ZFP91: variants seen among roughly 807,000 people sequenced by gnomAD.
ZFP91 encodes the protein E3 ubiquitin-protein ligase ZFP91.
A neutral mutation model predicts 63.5 loss-of-function variants in ZFP91; 7 were observed. The observed-to-expected ratio is 0.11, with a 90% CI of 0.06 to 0.21. The LOEUF is 0.21. Among genes scored for constraint, ZFP91 ranks in the 10% least tolerant of loss-of-function variants. ZFP91 has a pLI of 1.00. For missense variants in ZFP91, 628 were observed against 736.6 expected, an observed-to-expected ratio of 0.85 and a Z score of 1.71; for synonymous variants, 330 against 272.1, an observed-to-expected ratio of 1.21 and a Z score of -2.10.
rs1855042255 is a variant in ZFP91, at chr11:58,579,349, A to G, written c.68A>G (p.Lys23Arg). The change falls in exon 1 of 11, where the codon AAG (lysine) becomes AGG (arginine). Residue 23 changes from lysine to arginine, a missense_variant. Lys to Arg is a conservative substitution (Grantham distance 26). Coordinates refer to ENST00000316059, the MANE Select transcript of ZFP91 (RefSeq NM_053023.5). ...GACCAGGAAGGGGGAGAGGCGGCCA[A>G]GGCGGCTCCGGAGGAGCCCCAACAA... ...QQDQEGGEAA[K>R]AAPEEPQQRP... is the part of the protein sequence containing the mutation. 8 of 1,494,608 alleles carry G rather than the reference A, an allele frequency of 5.4e-6. No individual in the cohort carries two copies. The Admixed American group carries it at 1.6e-4, about 30-fold the overall frequency. The allele number at this position is 1,494,608 out of a possible 1,614,324, so 92.6% of individuals were successfully genotyped here.
At chr11:58,616,861 C>T (rs774423116) in intron 10 of ZFP91, 46 bp downstream of exon 10, 10 of 1,564,166 alleles carry the variant, frequency 6.4e-6, no homozygotes, top group African/African-American at 5.4e-5. Context: ...AGGATATATG[C>T]CCTACTTGAA....
At chr11:58,591,190 T>G (rs1478222164) in intron 2 of ZFP91, among the ~76,000 whole-genome samples, 1 of 152,208 alleles carries the variant, frequency 6.6e-6, no homozygotes, top group Non-Finnish European at 1.5e-5. Context: ...GAAATTAGAT[T>G]TGCCAATTTT....
chr11:58,609,280 T>C (rs1203041784), intron 2 of ZFP91, among the ~76,000 whole-genome samples: 1 of 152,222 alleles, frequency 6.6e-6, no homozygotes, highest in East Asian at 1.9e-4. Flanking sequence ...TGAAACAGAA[T>C]AGCACCAGAG....
In ZFP91 at chr11:58,617,763, A is replaced by G. The variant is rs1266891302; in HGVS notation, c.*57A>G. 2 of 1,443,694 alleles carry G rather than the reference A, an allele frequency of 1.4e-6. No homozygotes were observed. The highest frequency in any genetic ancestry group is 5.0e-5 in the East Asian group (2 of 40,368). The allele number at this position is 1,443,694 out of a possible 1,614,324, so 89.4% of individuals were successfully genotyped here. On this transcript the variant is annotated 3_prime_UTR_variant, in exon 11 of 11. Coordinates refer to ENST00000316059, the MANE Select transcript of ZFP91 (RefSeq NM_053023.5). This position sits in a 1 kb window ranked among gnomAD's most constrained non-coding sequence, Gnocchi z 4.2. Reference sequence around the variant, plus strand: ...CAGACTTTGTATTTAAAAGTTAAAAAGGACAAAAAAAAAATCTAAAGCATT... The same window carrying G: ...CAGACTTTGTATTTAAAAGTTAAAAGGGACAAAAAAAAAATCTAAAGCATT...
chr11:58,604,673 C>T (rs1442874671), intron 2 of ZFP91, among the ~76,000 whole-genome samples: 1 of 152,226 alleles, frequency 6.6e-6, no homozygotes, highest in African/African-American at 2.4e-5. Flanking sequence ...GAATGCGGCT[C>T]AGAACGGCTT....
chr11:58,600,372 A>T (rs1298768389), intron 2 of ZFP91, among the ~76,000 whole-genome samples: 1 of 152,020 alleles, frequency 6.6e-6, no homozygotes, highest in East Asian at 1.9e-4. Flanking sequence ...TTCATTGCTA[A>T]TATACTTAAA....
chr11:58,602,988 A>G (rs1443183885), intron 2 of ZFP91, among the ~76,000 whole-genome samples: 1 of 152,226 alleles, frequency 6.6e-6, no homozygotes, highest in African/African-American at 2.4e-5. Flanking sequence ...TCAAAAAAAA[A>G]GAAAAGAAAA....
At position 58,579,436 on chromosome 11, in the gene ZFP91, G is replaced by C; in HGVS notation, c.155G>C (p.Gly52Ala). Residue 52 changes from glycine to alanine, a missense_variant, in exon 1 of 11, where the codon GGA (glycine) becomes GCA (alanine). Gly to Ala is a moderately conservative substitution (Grantham distance 60). Transcript: ENST00000316059. The part of the protein sequence containing the change: ...AGTTSSRVLR[G>A]GRDRGRAAAA... ...ACCACTAGCAGCCGCGTGCTGAGGG[G>C]AGGTCGGGACCGAGGCCGGGCCGCT... 2.1e-6 allele frequency: 3 copies of C among 1,447,150 alleles called. No individual in the cohort carries two copies. Among genetic ancestry groups the C allele is most frequent in the Non-Finnish European group, 2.7e-6 (3 of 1,108,810 alleles). 89.6% of individuals were successfully genotyped at this position (1,447,150 alleles called of 1,614,324 possible).
chr11:58,584,971 C>A, intron 2 of ZFP91, 87 bp downstream of exon 2: 1 of 1,124,840 alleles, frequency 8.9e-7, no homozygotes. Context: ...AAATTGGTTC[C>A]CATTTAAAAG....
At chr11:58,595,403 C>T (rs1325216751) in intron 2 of ZFP91, among the ~76,000 whole-genome samples, 3 of 152,042 alleles carry the variant, frequency 2.0e-5, no homozygotes, top group African/African-American at 7.2e-5. Context: ...TTAGAATGGC[C>T]CTTCTAACTT....
At position 58,619,677 on chromosome 11, in the gene ZFP91, A is replaced by G. The variant is rs1855814403; in HGVS notation, c.*1971A>G. 6.6e-6 allele frequency: 1 copy of G among 152,596 alleles called. No individual in the cohort carries two copies. The allele number at this position is 152,596 out of a possible 1,614,324, so 9.5% of individuals were successfully genotyped here. A position where few individuals can be genotyped will look rare whatever the true frequency, so the allele number is the denominator to read the frequency against. The stretch of plus-strand genomic sequence containing the variant: ...TACAATCACCAGTCTCAAATGCGCT[A>G]TTGTTTCTTTTCAGAGTGTTGCAGA... On this transcript the variant is annotated 3_prime_UTR_variant, in exon 11 of 11. Transcript: ENST00000316059.
chr11:58,617,760 A>T lies in ZFP91; in HGVS notation c.*54A>T. On this transcript the variant is annotated 3_prime_UTR_variant, in exon 11 of 11. Transcript: ENST00000316059. The surrounding 1 kb of genome is among the most constrained non-coding windows in gnomAD (Gnocchi z 4.2). ...GCTCAGACTTTGTATTTAAAAGTTA[A>T]AAAGGACAAAAAAAAAATCTAAAGC... 11 of 1,442,996 alleles carry T rather than the reference A, an allele frequency of 7.6e-6. No homozygotes were observed. Among genetic ancestry groups the T allele is most frequent in the Non-Finnish European group, 9.1e-6 (10 of 1,102,472 alleles). The allele number at this position is 1,442,996 out of a possible 1,614,324, so 89.4% of individuals were successfully genotyped here.
intron 2 of ZFP91, among the ~76,000 whole-genome samples, chr11:58,593,426 A>G (rs1164273622): frequency 1.3e-5 from 2 of 152,180 alleles, no homozygotes; most frequent in African/African-American, 2.4e-5. Context: ...CTACGCTTGT[A>G]TATGTCTTTC....
chr11:58,612,578 A>T lies in ZFP91; in HGVS notation c.909-184A>T, dbSNP rs1466002178. 10 of 626,242 alleles carry T rather than the reference A, an allele frequency of 1.6e-5. No individual in the cohort carries two copies. In the African/African-American group the frequency reaches 1.8e-4, roughly 12 times the overall value. 38.8% of individuals were successfully genotyped at this position (626,242 alleles called of 1,614,324 possible). On this transcript the variant is annotated intron_variant, in intron 7 of 10. Transcript: ENST00000316059. ...ATTTGTGTTACTTTTTAATTCTGTCAAATATTTGCTAATTCTTGGTTACTT... is the reference window on the plus strand; with the variant it reads ...ATTTGTGTTACTTTTTAATTCTGTCTAATATTTGCTAATTCTTGGTTACTT...
intron 2 of ZFP91, among the ~76,000 whole-genome samples, chr11:58,589,041 C>T (rs759632960): frequency 9.2e-5 from 14 of 152,038 alleles, no homozygotes; most frequent in Non-Finnish European, 1.9e-4. Context: ...GTGTATAAGC[C>T]CAGTCTTAAC....
At chr11:58,610,854 C>T (rs1487318349) in intron 4 of ZFP91, 96 bp from the exon 5 acceptor site, 2 of 1,016,798 alleles carry the variant, frequency 2.0e-6, no homozygotes, top group East Asian at 5.2e-5. Context: ...ATGACTTTAT[C>T]AGTGTTTGGC....
At position 58,618,491 on chromosome 11, in the gene ZFP91, G is replaced by A. The variant is rs1417331733; in HGVS notation, c.*785G>A. Reference sequence around the variant, plus strand: ...CAGTGAGACGATGAGAAAAGTCCCAGGCTAATGGCAGAAATTTGCACTTTG... The same window carrying A: ...CAGTGAGACGATGAGAAAAGTCCCAAGCTAATGGCAGAAATTTGCACTTTG... On this transcript the variant is annotated 3_prime_UTR_variant, in exon 11 of 11. Transcript: ENST00000316059. 1.9e-5 allele frequency: 7 copies of A among 370,480 alleles called. No individual in the cohort carries two copies. The highest frequency in any genetic ancestry group is 3.6e-5 in the Admixed American group (1 of 27,828). 22.9% of individuals were successfully genotyped at this position (370,480 alleles called of 1,614,324 possible). A position where few individuals can be genotyped will look rare whatever the true frequency, so the allele number is the denominator to read the frequency against.
chr11:58,579,861 G>A (rs1229786995), intron 1 of ZFP91, among the ~76,000 whole-genome samples: 1 of 151,962 alleles, frequency 6.6e-6, no homozygotes, highest in Non-Finnish European at 1.5e-5. Context: ...ATCATCTTTT[G>A]ATACACCCCT....
At chr11:58,614,383 G>A (rs780580763) in intron 9 of ZFP91, 40 bp downstream of exon 9, 1 of 1,418,526 alleles carries the variant, frequency 7.0e-7, no homozygotes, top group South Asian at 1.3e-5. Flanking sequence ...TAATTGCACT[G>A]TGCTTTAGTT....
Sources: gnomAD v4.1 joint callset for allele counts (sites outside exome capture counted in the v4.1 genomes callset) on GRCh38, gnomAD v4.1.1 for gene constraint, Gnocchi (gnomAD v3.1) non-coding constraint, MANE v1.5 for transcripts, NCBI Gene and HGNC (gene_info 2026-07-23, HGNC 2026-07-21) for gene names.